RFX6: variants seen among roughly 807,000 people sequenced by gnomAD.
RFX6 encodes DNA-binding protein RFX6.
A neutral mutation model predicts 110.8 loss-of-function variants in RFX6; 50 were observed. The ratio of observed to expected loss-of-function variants is 0.45; its 90% CI spans 0.36 to 0.57. The LOEUF (loss-of-function observed/expected upper bound fraction) is 0.57. Ranked by LOEUF, RFX6 falls within the 20% of genes least tolerant of loss-of-function variation. The pLI is 0.00. For synonymous variants in RFX6, 383 were observed against 411.2 expected, an observed-to-expected ratio of 0.93 and a Z score of 0.83; for missense variants, 990 against 1,127.0, an observed-to-expected ratio of 0.88 and a Z score of 1.74.
At chr6:116,906,810 CAG>C (rs1427968767) in intron 6 of RFX6, among the ~76,000 whole-genome samples, 2 of 149,112 alleles carry the variant, frequency 1.3e-5, no homozygotes, top group Non-Finnish European at 3.0e-5. Flanking sequence ...CATCTGTGAA[CAG>C]AGATTTTCTA....
chr6:116,918,045 A>G lies in RFX6; in HGVS notation c.981A>G (p.Thr327=). 6.2e-7 allele frequency: 1 copy of G among 1,606,006 alleles called. No individual in the cohort carries two copies. The highest frequency in any genetic ancestry group is 8.5e-7 in the Non-Finnish European group (1 of 1,173,592). Residue 327 remains threonine, a synonymous_variant, in exon 10 of 19, where the codon ACA becomes ACG. Coordinates refer to ENST00000332958, the MANE Select transcript of RFX6 (RefSeq NM_173560.4). The part of the protein sequence containing the change: ...VCDSILYKVL[T]DVLIPATMQE... ...CTTTTGCTATGATTAAGGTTCTTAC[A>G]GATGTACTCATTCCTGCAACAATGC...
intron 6 of RFX6, among the ~76,000 whole-genome samples, chr6:116,896,416 T>A (rs1290196428): frequency 6.6e-6 from 1 of 152,212 alleles, no homozygotes; most frequent in Non-Finnish European, 1.5e-5. Context: ...CTTTGATGAT[T>A]ATAGAAATTA....
chr6:116,877,432 C>A lies in RFX6; in HGVS notation c.157C>A (p.Pro53Thr). 1 of 1,595,150 alleles carries A rather than the reference C, an allele frequency of 6.3e-7. No homozygotes were observed. Among genetic ancestry groups the A allele is most frequent in the Non-Finnish European group, 8.5e-7 (1 of 1,170,604 alleles). The change falls in exon 1 of 19, where the codon CCC becomes ACC. Residue 53 changes from proline (P) to threonine (T), a missense_variant. Around this residue, in one of 5 missense-constraint regions of RFX6, gnomAD observed 175 missense variants for 162.3 expected, o/e 1.08. Coordinates refer to ENST00000332958, the MANE Select transcript of RFX6 (RefSeq NM_173560.4). Reference protein sequence around the residue: ...ETVYLAAEGQPGGEQGGGEKG... With the variant: ...ETVYLAAEGQTGGEQGGGEKG... ...AGTGTACCTGGCGGCCGAAGGGCAG[C>A]CCGGGGGCGAGCAGGGCGGCGGGGA...
intron 6 of RFX6, among the ~76,000 whole-genome samples, chr6:116,907,186 C>G (rs1020968049): frequency 1.3e-5 from 2 of 151,928 alleles, no homozygotes; most frequent in East Asian, 3.9e-4. Context: ...ATTGAACCAT[C>G]CTTGCATTCC....
intron 4 of RFX6, 84 bp from the exon 5 acceptor site, chr6:116,893,903 G>T (rs1774883134): frequency 3.6e-6 from 3 of 825,258 alleles, no homozygotes; most frequent in African/African-American, 1.7e-5. Context: ...CTTATTCATG[G>T]TTATGTCAGT....
chr6:116,930,038 A>G (rs1008487217), intron 18 of RFX6, among the ~76,000 whole-genome samples: 12 of 152,200 alleles, frequency 7.9e-5, no homozygotes, highest in Admixed American at 4.6e-4. Flanking sequence ...TTTTCTCACC[A>G]TGAGACTAAA....
Position 116,917,861 on chromosome 6 carries a change from ACACT to A in RFX6, c.973-172_973-169del, listed in dbSNP as rs200053583. 0.023 allele frequency among the ~76,000 whole-genome samples: 3,508 copies of A among 152,258 alleles called. 115 individuals carry two copies. Among genetic ancestry groups the A allele is most frequent in the Admixed American group, 0.09 (1,370 of 15,276 alleles). On this transcript the variant is annotated intron_variant, in intron 9 of 18. Transcript: ENST00000332958. Reference sequence around the variant, plus strand: ...CTATCTCTTGTTTTTATTGTCATACACACTCACACACAACTCATACATACATTCA... The same window carrying A: ...CTATCTCTTGTTTTTATTGTCATACACACACACAACTCATACATACATTCA...
At chr6:116,911,589 A>G (rs572666015) in intron 7 of RFX6, among the ~76,000 whole-genome samples, 3 of 152,328 alleles carry the variant, frequency 2.0e-5, no homozygotes, top group Admixed American at 6.5e-5. Flanking sequence ...ATAATTCTCA[A>G]TATGACTTTT....
At chr6:116,928,712 T>C in intron 17 of RFX6, 47 bp from the exon 18 acceptor site, 1 of 1,374,466 alleles carries the variant, frequency 7.3e-7, no homozygotes, top group South Asian at 1.2e-5. Flanking sequence ...TTCCTGAAAG[T>C]TCTTTGTAGT....
chr6:116,905,086 G>A (rs2114682570), intron 6 of RFX6, among the ~76,000 whole-genome samples: 1 of 152,198 alleles, frequency 6.6e-6, no homozygotes, highest in African/African-American at 2.4e-5. Context: ...AATTTTTGGG[G>A]GAACTACCAA....
Position 116,918,100 on chromosome 6 carries a change from A to G in RFX6, c.1022+14A>G. ...AATGCCTGAAAGGTATGTTCAGTTAATAAAACATGAGCATTCCTAGTATAG... is the reference window on the plus strand; with the variant it reads ...AATGCCTGAAAGGTATGTTCAGTTAGTAAAACATGAGCATTCCTAGTATAG... On this transcript the variant is annotated intron_variant, in intron 10 of 18. Coordinates refer to ENST00000332958, the MANE Select transcript of RFX6 (RefSeq NM_173560.4). 6.3e-7 allele frequency: 1 copy of G among 1,575,550 alleles called. No homozygotes were observed. Among genetic ancestry groups the G allele is most frequent in the Non-Finnish European group, 8.7e-7 (1 of 1,146,988 alleles).
chr6:116,884,694 CAATT>C (rs1451749319), intron 4 of RFX6: 2 of 152,098 alleles, frequency 1.3e-5, no homozygotes, highest in African/African-American at 2.4e-5. Context: ...CAGGGAAAGT[CAATT>C]AATCTTTGAA....
At position 116,920,239 on chromosome 6, in the gene RFX6, A is replaced by G. The variant is rs1049642950; in HGVS notation, c.1183-71A>G. 4 of 1,207,166 alleles carry G rather than the reference A, an allele frequency of 3.3e-6. No individual in the cohort carries two copies. The African/African-American group carries it at 4.5e-5, about 14-fold the overall frequency. 74.8% of individuals were successfully genotyped at this position (1,207,166 alleles called of 1,614,324 possible). A position where few individuals can be genotyped will look rare whatever the true frequency, so the allele number is the denominator to read the frequency against. ...TTTATCTCAAGGAACTATTTTTCTGATAGCTAAAAATTTCTTCTAGATACA... is the reference window on the plus strand; with the variant it reads ...TTTATCTCAAGGAACTATTTTTCTGGTAGCTAAAAATTTCTTCTAGATACA... On this transcript the variant is annotated intron_variant, in intron 11 of 18. Transcript: ENST00000332958.
At chr6:116,921,294 G>A in intron 12 of RFX6, among the ~76,000 whole-genome samples, 1 of 152,086 alleles carries the variant, frequency 6.6e-6, no homozygotes, top group East Asian at 1.9e-4. Context: ...AATATTACAT[G>A]ATAAAACGTT....
chr6:116,908,868 T>G (rs745696945), intron 6 of RFX6, among the ~76,000 whole-genome samples: 2 of 152,168 alleles, frequency 1.3e-5, no homozygotes, highest in African/African-American at 2.4e-5. Context: ...TGTACTTATA[T>G]ACTACTGAAT....
In RFX6 at chr6:116,925,567, C is replaced by T. The variant is rs200674766; in HGVS notation, c.1793C>T (p.Thr598Ile). ...AVKNESHVETTYLPLPSSQPG... is the reference protein window; with the variant it reads ...AVKNESHVETIYLPLPSSQPG... ...AAGAATGAAAGCCACGTGGAGACAA[C>T]CTATCTCCCTCTGCCATCCAGTCAA... The change falls in exon 16 of 19, where the codon ACC (threonine) becomes ATC (isoleucine). Residue 598 changes from threonine to isoleucine, a missense_variant. Coordinates refer to ENST00000332958, the MANE Select transcript of RFX6 (RefSeq NM_173560.4). 13 of 1,612,962 alleles carry T rather than the reference C, an allele frequency of 8.1e-6. No individual in the cohort carries two copies. In the East Asian group the frequency reaches 2.9e-4, roughly 36 times the overall value.
intron 6 of RFX6, among the ~76,000 whole-genome samples, chr6:116,896,468 T>G (rs1406312587): frequency 6.6e-6 from 1 of 152,188 alleles, no homozygotes; most frequent in Non-Finnish European, 1.5e-5. Flanking sequence ...CTACTCTAAA[T>G]AAGTTTAAAA....
At position 116,877,326 on chromosome 6, in the gene RFX6, G is replaced by C; in HGVS notation, c.51G>C (p.Ala17=). The C allele has an allele frequency of 6.2e-7, 1 of 1,613,002 alleles. No homozygotes were observed. Among genetic ancestry groups the C allele is most frequent in the African/African-American group, 1.3e-5 (1 of 75,032 alleles). ...LEDTFLQAQP[A]PQLSPGIQED... Reference sequence around the variant, plus strand: ...ACACCTTCCTGCAGGCGCAGCCTGCGCCCCAACTGTCCCCGGGGATCCAGG... The same window carrying C: ...ACACCTTCCTGCAGGCGCAGCCTGCCCCCCAACTGTCCCCGGGGATCCAGG... The change falls in exon 1 of 19, where the codon GCG becomes GCC. Residue 17 remains alanine (A), a synonymous_variant. Coordinates refer to ENST00000332958, the MANE Select transcript of RFX6 (RefSeq NM_173560.4).
In RFX6 at chr6:116,919,129, C is replaced by A; in HGVS notation, c.1023-8C>A. 1 of 1,612,194 alleles carries A rather than the reference C, an allele frequency of 6.2e-7. No individual in the cohort carries two copies. The highest frequency in any genetic ancestry group is 8.5e-7 in the Non-Finnish European group (1 of 1,178,490). ...AATGAAGCATTTAACACATAGCCTT[C>A]TTTGTAGCTTATTAGCAGACATAAG... is the stretch of plus-strand genomic sequence containing the variant. On this transcript the variant is annotated splice_region_variant and splice_polypyrimidine_tract_variant and intron_variant, in intron 10 of 18. Transcript: ENST00000332958.
Sources: allele counts gnomAD v4.1 joint callset (sites outside exome capture counted in the v4.1 genomes callset), GRCh38; gene constraint gnomAD v4.1.1; regional missense constraint gnomAD v4.1.1; transcripts MANE v1.5; gene names NCBI Gene and HGNC (gene_info 2026-07-23, HGNC 2026-07-21).